The following TNRC6B variants were observed in gnomAD, a reference collection of about 807,000 sequenced individuals.
TNRC6B encodes the protein trinucleotide repeat containing adaptor 6B.
A neutral mutation model predicts 203.6 loss-of-function variants in TNRC6B; 52 were observed. The ratio of observed to expected loss-of-function variants is 0.26; its 90% CI spans 0.20 to 0.32. TNRC6B has a LOEUF of 0.32. Among genes scored for constraint, TNRC6B ranks in the 10% least tolerant of loss-of-function variants. TNRC6B has a pLI of 1.00. For missense variants in TNRC6B, 1,923 were observed against 2,286.2 expected, an observed-to-expected ratio of 0.84 and a Z score of 3.24; for synonymous variants, 838 against 845.7, an observed-to-expected ratio of 0.99 and a Z score of 0.16.
chr22:40,153,559 A>AC (rs922203584), intron 3 of TNRC6B, among the ~76,000 whole-genome samples: 3 of 151,684 alleles, frequency 2.0e-5, no homozygotes, highest in South Asian at 2.1e-4. Flanking sequence ...GAAAAAAAAA[A>AC]ACAAAAAGAA....
intron 1 of TNRC6B, among the ~76,000 whole-genome samples, chr22:40,235,535 C>A (rs140506620): frequency 6.6e-6 from 1 of 152,238 alleles, no homozygotes; most frequent in African/African-American, 2.4e-5. Flanking sequence ...ATCCCCATCT[C>A]TAATTGTGAA....
intron 1 of TNRC6B, among the ~76,000 whole-genome samples, chr22:40,082,475 T>C (rs1440795893): frequency 3.3e-5 from 5 of 152,186 alleles, no homozygotes; most frequent in Non-Finnish European, 7.4e-5. Context: ...ATAGATGATG[T>C]TGGAGAGCAG....
intron 1 of TNRC6B, among the ~76,000 whole-genome samples, chr22:40,108,363 G>C (rs1478208921): frequency 6.6e-6 from 1 of 152,186 alleles, no homozygotes; most frequent in South Asian, 2.1e-4. Flanking sequence ...GGTTAGCTTG[G>C]TTATAGGTGA....
intron 5 of TNRC6B, 96 bp downstream of exon 5, chr22:40,267,132 C>G: frequency 7.7e-7 from 1 of 1,298,376 alleles, no homozygotes; most frequent in African/African-American, 1.5e-5. Flanking sequence ...TAGTTTTGTT[C>G]TGAGATGCTT....
rs1409803283 is a variant in TNRC6B at position 40,265,753 on chromosome 22, A to G, written c.1523A>G (p.Gln508Arg). ...EGNKMTSGVS[Q>R]GEWKQPTGSD... Reference sequence around the variant, plus strand: ...AACAAAATGACATCTGGGGTCTCTCAGGGAGAATGGAAACAGCCGACTGGG... The same window carrying G: ...AACAAAATGACATCTGGGGTCTCTCGGGGAGAATGGAAACAGCCGACTGGG... Residue 508 changes from glutamine to arginine, a missense_variant, in exon 5 of 23, where the codon CAG (glutamine) becomes CGG (arginine). Around this residue, in one of 8 missense-constraint regions of TNRC6B, gnomAD observed 614 missense variants for 587.7 expected, o/e 1.04. Coordinates refer to ENST00000454349, the MANE Select transcript of TNRC6B (RefSeq NM_001162501.2). The G allele has an allele frequency of 3.1e-6, 5 of 1,614,042 alleles. No individual in the cohort carries two copies. The highest frequency in any genetic ancestry group is 4.2e-6 in the Non-Finnish European group (5 of 1,179,906).
chr22:40,272,349 C>T (rs752268973), intron 6 of TNRC6B, among the ~76,000 whole-genome samples: 3 of 152,128 alleles, frequency 2.0e-5, no homozygotes, highest in Non-Finnish European at 4.4e-5. Flanking sequence ...TTGCCCTGTG[C>T]CTTATGTACT....
chr22:40,168,032 T>C (rs1193862853), intron 4 of TNRC6B, among the ~76,000 whole-genome samples: 1 of 152,244 alleles, frequency 6.6e-6, no homozygotes, highest in African/African-American at 2.4e-5. Flanking sequence ...CCTATCTATC[T>C]GTTGAAACCC....
At chr22:40,109,282 C>T (rs191413096) in intron 1 of TNRC6B, among the ~76,000 whole-genome samples, 7 of 152,138 alleles carry the variant, frequency 4.6e-5, no homozygotes, top group Admixed American at 4.6e-4. Flanking sequence ...GATTTATATT[C>T]CTTTGGGTAT....
chr22:40,052,365 A>T (rs1328951710), intron 1 of TNRC6B, among the ~76,000 whole-genome samples: 1 of 151,980 alleles, frequency 6.6e-6, no homozygotes, highest in African/African-American at 2.4e-5. Context: ...TGTCTGATGA[A>T]TTAGAATTGA....
intron 1 of TNRC6B, among the ~76,000 whole-genome samples, chr22:40,114,394 C>T (rs1490143523): frequency 6.6e-6 from 1 of 152,062 alleles, no homozygotes; most frequent in Non-Finnish European, 1.5e-5. Flanking sequence ...AATCATGGTT[C>T]ACTGCAGCCT....
At chr22:40,182,660 A>G (rs966529931) in intron 1 of TNRC6B, among the ~76,000 whole-genome samples, 2 of 152,238 alleles carry the variant, frequency 1.3e-5, no homozygotes, top group Non-Finnish European at 2.9e-5. Flanking sequence ...TCATGTGGAA[A>G]TACTTGCCAT....
chr22:40,179,600 T>C (rs1464363008), intron 1 of TNRC6B, among the ~76,000 whole-genome samples: 3 of 152,248 alleles, frequency 2.0e-5, no homozygotes, highest in Non-Finnish European at 2.9e-5. Flanking sequence ...AATGGAATAA[T>C]TTTGATCAGA....
chr22:40,123,199 C>T (rs2068460280), intron 2 of TNRC6B, among the ~76,000 whole-genome samples: 2 of 151,950 alleles, frequency 1.3e-5, no homozygotes, highest in African/African-American at 4.8e-5. Flanking sequence ...GGGCAGAAGT[C>T]TTGGTTAAAG....
chr22:40,140,983 C>G (rs1304074587), intron 3 of TNRC6B, among the ~76,000 whole-genome samples: 1 of 152,054 alleles, frequency 6.6e-6, no homozygotes, highest in South Asian at 2.1e-4. Flanking sequence ...AGTTTTCCTT[C>G]TCATGGTAAG....
intron 1 of TNRC6B, among the ~76,000 whole-genome samples, chr22:40,111,294 C>T (rs1022298139): frequency 9.5e-5 from 13 of 136,326 alleles, no homozygotes; most frequent in African/African-American, 2.2e-4. Context: ...GAGCAGGGAC[C>T]GGGGTGAGCA....
chr22:40,323,048 C>A lies in TNRC6B; in HGVS notation c.5309C>A (p.Thr1770Asn). 1 of 1,601,712 alleles carries A rather than the reference C, an allele frequency of 6.2e-7. No homozygotes were observed. Among genetic ancestry groups the A allele is most frequent in the South Asian group, 1.1e-5 (1 of 89,724 alleles). The part of the protein sequence containing the change: ...GPALNLFGGS[T>N]GLGQWSSSAG... ...GCTCTGAATCTTTTTGGTGGGTCCA[C>A]TGGGCTCGGGCAGTGGAGCAGCAGC... The change falls in exon 23 of 23, where the codon ACT (threonine) becomes AAT (asparagine). Residue 1770 changes from threonine (T) to asparagine (N), a missense_variant. This residue lies in a region of TNRC6B where 126 missense variants were observed against 137.5 expected (regional missense o/e 0.92). Transcript: ENST00000454349.
At chr22:40,068,735 A>G (rs1267410161) in intron 1 of TNRC6B, among the ~76,000 whole-genome samples, 2 of 151,782 alleles carry the variant, frequency 1.3e-5, no homozygotes, top group African/African-American at 2.4e-5. Context: ...GGAAGGTTAC[A>G]ACAGGAAAAT....
chr22:40,323,361 C>T lies in TNRC6B; in HGVS notation c.*120C>T, dbSNP rs979491764. The T allele has an allele frequency of 1.4e-5, 19 of 1,316,154 alleles. No homozygotes were observed. The highest frequency in any genetic ancestry group is 7.6e-5 in the South Asian group (5 of 65,406). The allele number at this position is 1,316,154 out of a possible 1,614,324, so 81.5% of individuals were successfully genotyped here. ...ACATTTTTAAAAGGAAAAAAGAAAA[C>T]GGAGAGAAAAAAAGGTGGGTCATTG... On this transcript the variant is annotated 3_prime_UTR_variant, in exon 23 of 23. Transcript: ENST00000454349.
chr22:40,107,117 A>G, intron 1 of TNRC6B: 1 of 623,630 alleles, frequency 1.6e-6, no homozygotes, highest in Non-Finnish European at 2.8e-6. Flanking sequence ...AAATACTCTT[A>G]ATTTTCATGT....
Sources: gnomAD v4.1 joint callset for allele counts (sites outside exome capture counted in the v4.1 genomes callset) on GRCh38, gnomAD v4.1.1 for gene constraint, gnomAD v4.1.1 regional missense constraint, MANE v1.5 for transcripts, NCBI Gene and HGNC (gene_info 2026-07-23, HGNC 2026-07-21) for gene names.